ACAD8: variants seen among roughly 807,000 people sequenced by gnomAD.
The protein encoded by ACAD8 is acyl-CoA dehydrogenase family member 8, also known as isobutyryl-CoA dehydrogenase, mitochondrial.
ACAD8 carries 47 observed loss-of-function variants against 53.1 expected under a neutral mutation model. The ratio of observed to expected loss-of-function variants is 0.89; its 90% CI spans 0.70 to 1.13. The LOEUF (loss-of-function observed/expected upper bound fraction) is 1.13. ACAD8 is among the 50% of genes most tolerant of loss of function. The pLI is 0.00. For synonymous variants in ACAD8, 198 were observed against 201.3 expected, an observed-to-expected ratio of 0.98 and a Z score of 0.14; for missense variants, 494 against 535.0, an observed-to-expected ratio of 0.92 and a Z score of 0.76.
At chr11:134,260,988 A>G in intron 6 of ACAD8, 56 bp from the exon 7 acceptor site, 1 of 1,598,872 alleles carries the variant, frequency 6.3e-7, no homozygotes, top group Non-Finnish European at 8.5e-7. Flanking sequence ...TCCCCAGGGA[A>G]GGCCGCCCTA....
chr11:134,258,953 C>T (rs1939709839), intron 4 of ACAD8, 55 bp from the exon 5 acceptor site: 1 of 1,439,974 alleles, frequency 6.9e-7, no homozygotes, highest in Non-Finnish European at 9.8e-7. Context: ...GCTGGGCTCC[C>T]TCGACCTCAC....
intron 10 of ACAD8, chr11:134,263,881 T>C: frequency 1.0e-6 from 1 of 985,488 alleles, no homozygotes; most frequent in East Asian, 1.1e-4. Context: ...TGAGACGATG[T>C]GACTACTGAT....
Position 134,253,655 on chromosome 11 carries a change from G to C in ACAD8, c.55G>C (p.Gly19Arg). The C allele has an allele frequency of 1.3e-6, 2 of 1,596,948 alleles. No individual in the cohort carries two copies. The highest frequency in any genetic ancestry group is 1.7e-6 in the Non-Finnish European group (2 of 1,173,486). ...GGCGCGCCTCGGCTGCCTGCCCGGC[G>C]GTCTCCGGGTCCTCGTCCAGACCGG... Reference protein sequence around the residue: ...FGARLGCLPGGLRVLVQTGHR... With the variant: ...FGARLGCLPGRLRVLVQTGHR... The change falls in exon 1 of 11, where the codon GGT becomes CGT. Residue 19 changes from glycine (G) to arginine (R), a missense_variant. Transcript: ENST00000281182.
chr11:134,262,433 C>A, intron 9 of ACAD8, 87 bp from the exon 10 acceptor site: 1 of 863,756 alleles, frequency 1.2e-6, no homozygotes. Context: ...TGGCGGGCTG[C>A]CAGATCGTGG....
rs1291751911 is a variant in ACAD8, at chr11:134,259,712, C to T, written c.672C>T (p.Thr224=). ...CATGCATAGTTGTTGAGAAGGGGAC[C>T]CCTGGCCTCAGCTTTGGCAAGAAGG... ...GISCIVVEKG[T]PGLSFGKKEK... is the part of the protein sequence containing the mutation. The change falls in exon 6 of 11, where the codon ACC becomes ACT. Residue 224 remains threonine (T), a synonymous_variant. Transcript: ENST00000281182. The T allele has an allele frequency of 1.9e-6, 3 of 1,614,030 alleles. No homozygotes were observed. Among genetic ancestry groups the T allele is most frequent in the Admixed American group, 3.3e-5 (2 of 59,998 alleles).
In ACAD8 at chr11:134,258,480, C is replaced by A; in HGVS notation, c.381-35C>A. 1 of 1,470,910 alleles carries A rather than the reference C, an allele frequency of 6.8e-7. No individual in the cohort carries two copies. Among genetic ancestry groups the A allele is most frequent in the Non-Finnish European group, 9.5e-7 (1 of 1,054,086 alleles). 91.1% of individuals were successfully genotyped at this position (1,470,910 alleles called of 1,614,324 possible). A position where few individuals can be genotyped will look rare whatever the true frequency, so the allele number is the denominator to read the frequency against. On this transcript the variant is annotated intron_variant, in intron 3 of 10. Coordinates refer to ENST00000281182, the MANE Select transcript of ACAD8 (RefSeq NM_014384.3). ...TTTTTTTTCTTTTCCATCTTTATTT[C>A]TGTCATTGTCTTTTCTTCTTGGTGT...
At chr11:134,256,705 T>C (rs1939548168) in intron 2 of ACAD8, 57 bp downstream of exon 2, 1 of 1,440,928 alleles carries the variant, frequency 6.9e-7, no homozygotes, top group African/African-American at 1.4e-5. Context: ...GGCAGACCTT[T>C]ATCTTTGTCT....
chr11:134,259,306 T>C (rs1939737637), intron 5 of ACAD8: 3 of 682,466 alleles, frequency 4.4e-6, no homozygotes, highest in Admixed American at 4.3e-5. Context: ...TTTTATACTC[T>C]CTTGGACTGC....
At position 134,257,124 on chromosome 11, in the gene ACAD8, C is replaced by G. The variant is rs551875847; in HGVS notation, c.247C>G (p.Gln83Glu). 1.2e-6 allele frequency: 2 copies of G among 1,614,178 alleles called. No homozygotes were observed. Among genetic ancestry groups the G allele is most frequent in the Admixed American group, 1.7e-5 (1 of 60,020 alleles). The change falls in exon 3 of 11, where the codon CAG becomes GAG. Residue 83 changes from glutamine (Q) to glutamate (E), a missense_variant. By Grantham distance (29) the Gln-to-Glu change is conservative. Transcript: ENST00000281182. ...FPVDVMRKAA[Q>E]LGFGGVYIQT... ...AGTGGATGTGATGCGGAAGGCAGCC[C>G]AGCTAGGCTTCGGAGGGGTCTACAT...
intron 6 of ACAD8, 52 bp downstream of exon 6, chr11:134,259,797 G>C (rs753296656): frequency 3.7e-6 from 6 of 1,613,414 alleles, no homozygotes; most frequent in South Asian, 3.3e-5. Flanking sequence ...TCTGCCACCT[G>C]CCAGCCCAAC....
At chr11:134,256,780 G>A in intron 2 of ACAD8, 132 bp downstream of exon 2, 1 of 825,808 alleles carries the variant, frequency 1.2e-6, no homozygotes, top group Non-Finnish European at 1.9e-6. Context: ...GAGAATACCG[G>A]TAGTGGATGA....
At position 134,257,377 on chromosome 11, in the gene ACAD8, A is replaced by T; in HGVS notation, c.380+120A>T. The T allele has an allele frequency of 2.3e-6, 3 of 1,305,584 alleles. No homozygotes were observed. The Admixed American group carries it at 5.8e-5, about 25-fold the overall frequency. 80.9% of individuals were successfully genotyped at this position (1,305,584 alleles called of 1,614,324 possible). ...GAGTGTCCTCAAGGAACTGGACTTA[A>T]AAGTACACTCTAGGGGCCGGGCGCA... On this transcript the variant is annotated intron_variant, in intron 3 of 10. Transcript: ENST00000281182.
intron 10 of ACAD8, chr11:134,263,761 T>C (rs1940038307): frequency 4.1e-6 from 4 of 985,486 alleles, no homozygotes; most frequent in South Asian, 4.7e-5. Context: ...AAACATTTAT[T>C]GTAGGCCACA....
chr11:134,258,920 G>C, intron 4 of ACAD8, 88 bp from the exon 5 acceptor site: 1 of 1,172,436 alleles, frequency 8.5e-7, no homozygotes, highest in Non-Finnish European at 1.3e-6. Context: ...GTTTAGAGAA[G>C]ATTTCCTAGA....
chr11:134,253,899 C>T (rs1224832733), intron 1 of ACAD8, among the ~76,000 whole-genome samples, 190 bp downstream of exon 1: 1 of 151,282 alleles, frequency 6.6e-6, no homozygotes, highest in African/African-American at 2.4e-5. Context: ...TCCGGTCGGT[C>T]ACCACCATCC....
rs772448494 is a variant in ACAD8, at chr11:134,256,631, G to A, written c.193G>A (p.Ala65Thr). 6.2e-7 allele frequency: 1 copy of A among 1,614,164 alleles called. No homozygotes were observed. The highest frequency in any genetic ancestry group is 8.5e-7 in the Non-Finnish European group (1 of 1,180,020). ...TGCCCGAGAGATGGCTCCAAATATG[G>A]CAGAGTGGGACCAGAAGGTAGGCGT... Reference protein sequence around the residue: ...FAAREMAPNMAEWDQKELFPV... With the variant: ...FAAREMAPNMTEWDQKELFPV... The change falls in exon 2 of 11, where the codon GCA (alanine) becomes ACA (threonine). Residue 65 changes from alanine (A) to threonine (T), a missense_variant. Ala to Thr is a moderately conservative substitution (Grantham distance 58, BLOSUM62 0). Transcript: ENST00000281182.
rs1939877034 is a variant in ACAD8, at chr11:134,261,445, C to T, written c.939+73C>T. ...GGACCTGCTCTAGGGCCCACATTTC[C>T]AGGAGAGAAGCCAGGAAATTCCTCT... is the stretch of plus-strand genomic sequence containing the variant. On this transcript the variant is annotated intron_variant, in intron 8 of 10. Transcript: ENST00000281182. The surrounding 1 kb of genome is among the most constrained non-coding windows in gnomAD (Gnocchi z 4.2). 3.2e-6 allele frequency: 5 copies of T among 1,570,768 alleles called. No individual in the cohort carries two copies. In the Admixed American group the frequency reaches 5.0e-5, roughly 16 times the overall value.
At chr11:134,256,524 C>T (rs529148533) in intron 1 of ACAD8, 24 bp from the exon 2 acceptor site, 11 of 1,595,810 alleles carry the variant, frequency 6.9e-6, no homozygotes, top group Non-Finnish European at 9.5e-6. Context: ...TGTCCTAGAA[C>T]AGTATATGCA....
rs574007996 is a variant in ACAD8 at position 134,254,948 on chromosome 11, TTTAC to T, written c.109+1243_109+1246del. ...CTGTATTTCCTTCTGGGAACTTGTGTTTACTTATGCATATGATTTGCATAAAACT... is the reference window on the plus strand; with the variant it reads ...CTGTATTTCCTTCTGGGAACTTGTGTTTATGCATATGATTTGCATAAAACT... On this transcript the variant is annotated intron_variant, in intron 1 of 10. Coordinates refer to ENST00000281182, the MANE Select transcript of ACAD8 (RefSeq NM_014384.3). 1.1e-4 allele frequency among the ~76,000 whole-genome samples: 17 copies of T among 152,372 alleles called. No individual in the cohort carries two copies. The South Asian group carries it at 3.5e-3, about 32-fold the overall frequency.
Sources: gnomAD v4.1 joint callset for allele counts (sites outside exome capture counted in the v4.1 genomes callset) on GRCh38, gnomAD v4.1.1 for gene constraint, Gnocchi (gnomAD v3.1) non-coding constraint, MANE v1.5 for transcripts, NCBI Gene and HGNC (gene_info 2026-07-23, HGNC 2026-07-21) for gene names.